BHLHE40: variants seen among roughly 807,000 people sequenced by gnomAD.
The protein encoded by BHLHE40 is class E basic helix-loop-helix protein 40.
A neutral mutation model predicts 35.7 loss-of-function variants in BHLHE40; 3 were observed. The observed-to-expected ratio is 0.08, with a 90% CI of 0.04 to 0.22. BHLHE40 has a LOEUF of 0.22. Ranked by LOEUF, BHLHE40 falls within the 10% of genes least tolerant of loss-of-function variation. BHLHE40 has a pLI of 1.00. For synonymous variants in BHLHE40, 236 were observed against 213.0 expected (o/e 1.11, Z -0.94); for missense variants, 486 against 524.0 (o/e 0.93, Z 0.71).
At position 4,983,080 on chromosome 3, in the gene BHLHE40, C is replaced by G; in HGVS notation, c.627C>G (p.Ala209=). 1 of 1,614,152 alleles carries G rather than the reference C, an allele frequency of 6.2e-7. No individual in the cohort carries two copies. Among genetic ancestry groups the G allele is most frequent in the Non-Finnish European group, 8.5e-7 (1 of 1,180,024 alleles). ...TCAAGGAAAAACCCAGCTCTCCGGC[C>G]AAAGGTTCGGAAGGTCCTGGGAAAA... is the stretch of plus-strand genomic sequence containing the variant. ...MDFKEKPSSP[A]KGSEGPGKNC... The change falls in exon 5 of 5, where the codon GCC becomes GCG. Residue 209 remains alanine, a synonymous_variant. Transcript: ENST00000256495. This position sits in a 1 kb window ranked among gnomAD's most constrained non-coding sequence, Gnocchi z 5.0.
At chr3:4,982,199 A>G (rs970009391) in intron 4 of BHLHE40, among the ~76,000 whole-genome samples, 3 of 152,194 alleles carry the variant, frequency 2.0e-5, no homozygotes, top group Admixed American at 6.5e-5. Flanking sequence ...TATGATGAAA[A>G]TTGCAAAAAC....
chr3:4,980,807 A>AT (rs967294432), intron 3 of BHLHE40, among the ~76,000 whole-genome samples: 7 of 151,350 alleles, frequency 4.6e-5, no homozygotes, highest in Middle Eastern at 3.4e-3. Context: ...TTGGTGTGTG[A>AT]TTTTTACGGC....
chr3:4,980,235 G>T (rs982245312), intron 2 of BHLHE40, 66 bp from the exon 3 acceptor site: 6 of 1,404,634 alleles, frequency 4.3e-6, no homozygotes, highest in Non-Finnish European at 6.1e-6. Flanking sequence ...TGTTGCTGCG[G>T]GGCTGGGAGG....
chr3:4,980,463 G>A, intron 3 of BHLHE40, 55 bp downstream of exon 3: 1 of 1,469,600 alleles, frequency 6.8e-7, no homozygotes. Flanking sequence ...AGGGCGGGCG[G>A]GTCACTCGCC....
chr3:4,980,057 C>T (rs2106496163), intron 2 of BHLHE40, 26 bp downstream of exon 2: 1 of 1,611,384 alleles, frequency 6.2e-7, no homozygotes. Context: ...CCTAGGGACC[C>T]TGCGCTCAGC....
At position 4,982,865 on chromosome 3, in the gene BHLHE40, G is replaced by A. The variant is rs367916203; in HGVS notation, c.412G>A (p.Gly138Ser). ...GCTGTCAGGGAGAAATGTCGAAACA[G>A]GTCAAGAGATGTTCTGCTCAGGTTT... is the stretch of plus-strand genomic sequence containing the variant. The part of the protein sequence containing the change: ...GELSGRNVET[G>S]QEMFCSGFQT... The change falls in exon 5 of 5, where the codon GGT becomes AGT. Residue 138 changes from glycine to serine, a missense_variant. Physicochemically the swap from Gly to Ser is moderately conservative, Grantham distance 56. This residue lies in a region of BHLHE40 where 176 missense variants were observed against 180.5 expected (regional missense o/e 0.98). Coordinates refer to ENST00000256495, the MANE Select transcript of BHLHE40 (RefSeq NM_003670.3). 1 of 1,614,142 alleles carries A rather than the reference G, an allele frequency of 6.2e-7. No individual in the cohort carries two copies. The highest frequency in any genetic ancestry group is 1.7e-5 in the Admixed American group (1 of 60,020).
chr3:4,982,930 G>C lies in BHLHE40; in HGVS notation c.477G>C (p.Lys159Asn). The C allele has an allele frequency of 6.2e-7, 1 of 1,614,108 alleles. No homozygotes were observed. Among genetic ancestry groups the C allele is most frequent in the Non-Finnish European group, 8.5e-7 (1 of 1,180,006 alleles). Reference protein sequence around the residue: ...CAREVLQYLAKHENTRDLKSS... With the variant: ...CAREVLQYLANHENTRDLKSS... ...GGGAGGTGCTTCAGTATCTGGCCAA[G>C]CACGAGAACACTCGGGACCTGAAGT... Residue 159 changes from lysine (K) to asparagine (N), a missense_variant, in exon 5 of 5, where the codon AAG (lysine) becomes AAC (asparagine). Physicochemically the swap from Lys to Asn is moderately conservative, Grantham distance 94. Around this residue, in one of 5 missense-constraint regions of BHLHE40, gnomAD observed 176 missense variants for 180.5 expected, o/e 0.98. Coordinates refer to ENST00000256495, the MANE Select transcript of BHLHE40 (RefSeq NM_003670.3).
At chr3:4,980,156 G>C (rs1398588649) in intron 2 of BHLHE40, 125 bp downstream of exon 2, 1 of 1,169,278 alleles carries the variant, frequency 8.6e-7, no homozygotes, top group Non-Finnish European at 1.3e-6. Flanking sequence ...CCTCTTCTGA[G>C]TGACTTGGAA....
chr3:4,980,130 G>T, intron 2 of BHLHE40, 99 bp downstream of exon 2: 2 of 1,334,288 alleles, frequency 1.5e-6, no homozygotes, highest in Middle Eastern at 1.8e-4. Flanking sequence ...AGGGGATGCA[G>T]GGTGTGGGCT....
Position 4,979,713 on chromosome 3 carries a change from C to A in BHLHE40, c.-6C>A. On this transcript the variant is annotated 5_prime_UTR_variant, in exon 1 of 5. Transcript: ENST00000256495. ...GGAGCGCGCAGTGGCCCCGGCTCGC[C>A]GCGCCATGGAGCGGATCCCCAGCGC... 6.4e-7 allele frequency: 1 copy of A among 1,554,872 alleles called. No individual in the cohort carries two copies. Among genetic ancestry groups the A allele is most frequent in the Non-Finnish European group, 8.7e-7 (1 of 1,149,438 alleles).
At position 4,984,523 on chromosome 3, in the gene BHLHE40, C is replaced by T. The variant is rs1276517151; in HGVS notation, c.*831C>T. 6.6e-6 allele frequency: 1 copy of T among 152,360 alleles called. No individual in the cohort carries two copies. The highest frequency in any genetic ancestry group is 1.5e-5 in the Non-Finnish European group (1 of 68,202). The allele number at this position is 152,360 out of a possible 1,614,324, so 9.4% of individuals were successfully genotyped here. On this transcript the variant is annotated 3_prime_UTR_variant, in exon 5 of 5. Coordinates refer to ENST00000256495, the MANE Select transcript of BHLHE40 (RefSeq NM_003670.3). ...CCAAGGTCTGAGAAATGCGGACACC[C>T]CGAGCGAGCACCCCAAAGTGCACAA... is the stretch of plus-strand genomic sequence containing the variant.
rs757400982 is a variant in BHLHE40 at position 4,983,022 on chromosome 3, A to G, written c.569A>G (p.Lys190Arg). ...CTGCTGCAGGGTGGTACCTCCAGGA[A>G]GCCATCAGACCCAGCTCCCAAAGTG... Reference protein sequence around the residue: ...SELLQGGTSRKPSDPAPKVMD... With the variant: ...SELLQGGTSRRPSDPAPKVMD... The change falls in exon 5 of 5, where the codon AAG (lysine) becomes AGG (arginine). Residue 190 changes from lysine to arginine, a missense_variant. Around this residue, in one of 5 missense-constraint regions of BHLHE40, gnomAD observed 176 missense variants for 180.5 expected, o/e 0.98. Transcript: ENST00000256495. This position sits in a 1 kb window ranked among gnomAD's most constrained non-coding sequence, Gnocchi z 5.0. 6 of 1,613,970 alleles carry G rather than the reference A, an allele frequency of 3.7e-6. No individual in the cohort carries two copies. The highest frequency in any genetic ancestry group is 1.3e-5 in the African/African-American group (1 of 75,066).
intron 3 of BHLHE40, among the ~76,000 whole-genome samples, chr3:4,981,086 G>A (rs898244416): frequency 6.6e-6 from 1 of 151,374 alleles, no homozygotes; most frequent in Non-Finnish European, 1.5e-5. Flanking sequence ...ATCTGTCAAA[G>A]GATTTTCCTG....
intron 2 of BHLHE40, 73 bp from the exon 3 acceptor site, chr3:4,980,228 T>G: frequency 7.3e-7 from 1 of 1,370,794 alleles, no homozygotes; most frequent in East Asian, 2.3e-5. Context: ...GCCGGACTGT[T>G]GCTGCGGGGC....
chr3:4,980,438 C>G (rs1559236297), intron 3 of BHLHE40, 30 bp downstream of exon 3: 4 of 1,592,424 alleles, frequency 2.5e-6, no homozygotes, highest in Non-Finnish European at 3.4e-6. Flanking sequence ...CTTTCCAACC[C>G]AGTCCTTTGC....
At chr3:4,981,176 A>ATG (rs2053191691) in intron 3 of BHLHE40, among the ~76,000 whole-genome samples, 1 of 12,714 alleles carries the variant, frequency 7.9e-5, no homozygotes, top group Admixed American at 1.1e-3. Flanking sequence ...TATATATATT[A>ATG]TATATATATA....
intron 3 of BHLHE40, among the ~76,000 whole-genome samples, chr3:4,980,877 A>AC (rs1443064587): frequency 6.6e-6 from 1 of 151,610 alleles, no homozygotes; most frequent in Non-Finnish European, 1.5e-5. Flanking sequence ...GGAAATGGAA[A>AC]AAAAAAAAAT....
rs1012063140 is a variant in BHLHE40, at chr3:4,979,507, G to C, written c.-212G>C. On this transcript the variant is annotated 5_prime_UTR_variant, in exon 1 of 5. Coordinates refer to ENST00000256495, the MANE Select transcript of BHLHE40 (RefSeq NM_003670.3). ...CACCGCCAGTCTGTGCGCTGAGTCG[G>C]AGCCAGAGGCCGCGGGGACACCGGG... 75 of 607,244 alleles carry C rather than the reference G, an allele frequency of 1.2e-4. No individual in the cohort carries two copies. In the African/African-American group the frequency reaches 1.3e-3, roughly 11 times the overall value. 37.6% of individuals were successfully genotyped at this position (607,244 alleles called of 1,614,324 possible).
intron 2 of BHLHE40, 37 bp downstream of exon 2, chr3:4,980,068 C>A: frequency 6.2e-7 from 1 of 1,604,588 alleles, no homozygotes; most frequent in Non-Finnish European, 8.5e-7. Context: ...TGCGCTCAGC[C>A]CCTCGCGCGC....
Sources: gnomAD v4.1 joint callset for allele counts (sites outside exome capture counted in the v4.1 genomes callset) on GRCh38, gnomAD v4.1.1 for gene constraint, gnomAD v4.1.1 regional missense constraint, Gnocchi (gnomAD v3.1) non-coding constraint, MANE v1.5 for transcripts, NCBI Gene and HGNC (gene_info 2026-07-23, HGNC 2026-07-21) for gene names.